The following NTM variants were observed in gnomAD, a reference collection of about 807,000 sequenced individuals.
NTM encodes the protein IgLON family member 2.
Under a neutral mutation model 42.1 loss-of-function variants are expected in NTM, and 13 were observed. The observed-to-expected ratio is 0.31, with a 90% confidence interval of 0.20 to 0.49. NTM has a LOEUF of 0.49. Ranked by LOEUF, NTM falls within the 20% of genes least tolerant of loss-of-function variation. The pLI is 0.99. For missense variants in NTM, 373 were observed against 452.8 expected (o/e 0.82, Z 1.60); for synonymous variants, 187 against 179.2 (o/e 1.04, Z -0.35).
intron 1 of NTM, among the ~76,000 whole-genome samples, chr11:131,437,724 CT>C (rs1949268878): frequency 6.6e-6 from 1 of 152,156 alleles, no homozygotes; most frequent in African/African-American, 2.4e-5. Flanking sequence ...ACTGATGGGT[CT>C]TGACTCTTTA....
At position 131,880,229 on chromosome 11, in the gene NTM, T is replaced by G. The variant is rs546171904; in HGVS notation, c.83-31335T>G. Among the ~76,000 whole-genome samples, 6 of 152,326 alleles carry G rather than the reference T, an allele frequency of 3.9e-5. 1 individual carries two copies. The highest frequency in any genetic ancestry group is 3.9e-4 in the Admixed American group (6 of 15,296). On this transcript the variant is annotated intron_variant, in intron 1 of 8. Coordinates refer to ENST00000683400, the MANE Select transcript of NTM (RefSeq NM_001352005.2). ...TGAGATTGACTTTTTTCTCCTTTTT[T>G]GAACCACTGCTGAAGCCTTAAGGAG...
At chr11:132,214,683 G>A (rs993671821) in intron 4 of NTM, among the ~76,000 whole-genome samples, 1 of 152,144 alleles carries the variant, frequency 6.6e-6, no homozygotes, top group African/African-American at 2.4e-5. Context: ...AAGGCTGTGT[G>A]TTAGAGTCTT....
intron 2 of NTM, among the ~76,000 whole-genome samples, chr11:131,983,696 A>G (rs2065629877): frequency 6.6e-6 from 1 of 151,550 alleles, no homozygotes; most frequent in Non-Finnish European, 1.5e-5. Context: ...ATCTTCTATT[A>G]TATAAATAAA....
At chr11:131,940,710 T>G (rs946042642) in intron 2 of NTM, among the ~76,000 whole-genome samples, 5 of 152,230 alleles carry the variant, frequency 3.3e-5, no homozygotes, top group African/African-American at 1.2e-4. Context: ...TTATGGAATA[T>G]TTGAATATCT....
chr11:132,036,613 G>A (rs2076541230), intron 2 of NTM, among the ~76,000 whole-genome samples: 1 of 152,262 alleles, frequency 6.6e-6, no homozygotes, highest in East Asian at 1.9e-4. Flanking sequence ...ACAAATGACA[G>A]AGCTTGGCCC....
Position 132,266,289 on chromosome 11 carries a change from G to C in NTM, c.527-41400G>C, listed in dbSNP as rs199899590. Among the ~76,000 whole-genome samples, 5 of 152,310 alleles carry C rather than the reference G, an allele frequency of 3.3e-5. No homozygotes were observed. The East Asian group carries it at 9.7e-4, about 29-fold the overall frequency. The stretch of plus-strand genomic sequence containing the variant: ...TCGCCCAGTCTCCCAGGCAGCTAGA[G>C]CCTCCCTGAGGTGAGTCCAGCTAAG... On this transcript the variant is annotated intron_variant, in intron 4 of 8. Transcript: ENST00000683400.
intron 1 of NTM, among the ~76,000 whole-genome samples, chr11:131,477,476 A>G (rs2136214624): frequency 6.6e-6 from 1 of 151,940 alleles, no homozygotes; most frequent in East Asian, 2.0e-4. Context: ...GTGGCTGACC[A>G]CTGAGTGGGA....
intron 1 of NTM, among the ~76,000 whole-genome samples, chr11:131,382,990 A>G (rs1942874245): frequency 3.3e-5 from 5 of 152,186 alleles, no homozygotes; most frequent in Admixed American, 2.6e-4. Context: ...AACTGATTCC[A>G]TAAGACCTTG....
chr11:132,114,005 G>A (rs899463215), intron 2 of NTM, among the ~76,000 whole-genome samples: 1 of 152,038 alleles, frequency 6.6e-6, no homozygotes, highest in Non-Finnish European at 1.5e-5. Context: ...TCATCATCTT[G>A]TGGAAGGATG....
At chr11:131,651,959 G>C (rs2472252) in intron 1 of NTM, among the ~76,000 whole-genome samples, 26,648 of 151,878 alleles carry the variant, frequency 0.18, 2,568 homozygotes, top group South Asian at 0.23. Flanking sequence ...GGAACAGATA[G>C]ATACAGGCCC....
intron 4 of NTM, among the ~76,000 whole-genome samples, chr11:132,219,368 C>G (rs1345676279): frequency 6.6e-6 from 1 of 152,130 alleles, no homozygotes; most frequent in Non-Finnish European, 1.5e-5. Flanking sequence ...AGGAACCACC[C>G]TAATGCTGTT....
Position 131,789,611 on chromosome 11 carries a change from A to AAGGAGAAGG in NTM, c.83-121951_83-121950insGAGAAGGAG, listed in dbSNP as rs1565552675. Among the ~76,000 whole-genome samples, 5 of 83,454 alleles carry AAGGAGAAGG rather than the reference A, an allele frequency of 6.0e-5. 1 individual carries two copies. Among genetic ancestry groups the AAGGAGAAGG allele is most frequent in the Non-Finnish European group, 1.2e-4 (5 of 40,366 alleles). 54.7% of individuals were successfully genotyped at this position (83,454 alleles called of 152,430 possible). On this transcript the variant is annotated intron_variant, in intron 1 of 8. Transcript: ENST00000683400. The stretch of plus-strand genomic sequence containing the variant: ...GAAGAAGAAGAAGAAGAAGAAGAAG[A>AAGGAGAAGG]AGAAGAAGAAGAAGAAGAAGAAGAA...
intron 1 of NTM, among the ~76,000 whole-genome samples, chr11:131,674,885 G>T (rs2071089483): frequency 6.6e-6 from 1 of 152,154 alleles, no homozygotes; most frequent in African/African-American, 2.4e-5. Flanking sequence ...TACAGAATTT[G>T]GTCTTATATT....
At position 131,992,672 on chromosome 11, in the gene NTM, C is replaced by T. The variant is rs142486545; in HGVS notation, c.167+81024C>T. Reference sequence around the variant, plus strand: ...AGAGCATCTAAGATTAAATCTTACACACACAATTGCCTGAAAAGATTGAAT... The same window carrying T: ...AGAGCATCTAAGATTAAATCTTACATACACAATTGCCTGAAAAGATTGAAT... On this transcript the variant is annotated intron_variant, in intron 2 of 8. Transcript: ENST00000683400. Among the ~76,000 whole-genome samples the T allele has an allele frequency of 5.8e-4, 88 of 152,248 alleles. 1 individual carries two copies. Among genetic ancestry groups the T allele is most frequent in the African/African-American group, 2.0e-3 (84 of 41,516 alleles).
intron 3 of NTM, among the ~76,000 whole-genome samples, chr11:132,172,471 A>C (rs2076242409): frequency 6.6e-6 from 1 of 152,196 alleles, no homozygotes; most frequent in African/African-American, 2.4e-5. Flanking sequence ...AAAGGACAGG[A>C]TGTGGGGGAA....
At chr11:131,698,690 C>A (rs778115981) in intron 1 of NTM, among the ~76,000 whole-genome samples, 7 of 152,168 alleles carry the variant, frequency 4.6e-5, no homozygotes, top group Non-Finnish European at 8.8e-5. Flanking sequence ...GTGTACATGG[C>A]GAGTTCGCAT....
At chr11:132,035,247 G>T (rs1490527207) in intron 2 of NTM, among the ~76,000 whole-genome samples, 1 of 152,246 alleles carries the variant, frequency 6.6e-6, no homozygotes. Context: ...CATAGCTCTT[G>T]TTGTCTGTAC....
intron 2 of NTM, among the ~76,000 whole-genome samples, chr11:132,130,835 C>T (rs1399694526): frequency 4.6e-5 from 7 of 152,196 alleles, no homozygotes; most frequent in East Asian, 1.9e-4. Context: ...GAGAACTGCA[C>T]GGCTGAGGCC....
At chr11:131,478,141 C>T (rs145109645) in intron 1 of NTM, among the ~76,000 whole-genome samples, 58 of 152,272 alleles carry the variant, frequency 3.8e-4, no homozygotes, top group African/African-American at 1.0e-3. Context: ...TTTCATGGCC[C>T]GGTCAGTATC....
Sources: allele counts gnomAD v4.1 joint callset (sites outside exome capture counted in the v4.1 genomes callset), GRCh38; gene constraint gnomAD v4.1.1; transcripts MANE v1.5; gene names NCBI Gene and HGNC (gene_info 2026-07-23, HGNC 2026-07-21).